DDX3X: variants seen among roughly 807,000 people sequenced by gnomAD.
The protein encoded by DDX3X is ATP-dependent RNA helicase DDX3X.
A neutral mutation model predicts 52.7 loss-of-function variants in DDX3X; 4 were observed. The observed-to-expected ratio is 0.08, with a 90% CI of 0.04 to 0.17. The LOEUF (loss-of-function observed/expected upper bound fraction) is 0.17, where lower values mean the gene tolerates loss of function less well. Ranked by LOEUF, DDX3X falls within the 10% of genes least tolerant of loss-of-function variation. The pLI is 1.00. For synonymous variants in DDX3X, 192 were observed against 178.1 expected, an observed-to-expected ratio of 1.08 and a Z score of -0.62; for missense variants, 222 against 548.6, an observed-to-expected ratio of 0.40 and a Z score of 5.95.
chrX:41,358,978 C>T (rs1340231836), intron 5 of DDX3X, among the ~76,000 whole-genome samples: 1 of 111,404 alleles, frequency 9.0e-6, no homozygotes, highest in Non-Finnish European at 1.9e-5. Context: ...AGGATGGTCT[C>T]GAACTGACCT....
chrX:41,357,864 A>G, intron 5 of DDX3X: 1 of 296,798 alleles, frequency 3.4e-6, no homozygotes, highest in East Asian at 4.8e-5. Context: ...AAGTGCCTCC[A>G]TGAAATGCCA....
intron 5 of DDX3X, among the ~76,000 whole-genome samples, chrX:41,361,550 T>A (rs2064029933): frequency 1.8e-5 from 2 of 110,818 alleles, no homozygotes; most frequent in Non-Finnish European, 3.8e-5. Flanking sequence ...TCACCTATTC[T>A]TTGTCGTTTT....
intron 3 of DDX3X, chrX:41,341,194 AG>A: frequency 4.9e-6 from 1 of 205,508 alleles, no homozygotes; most frequent in Non-Finnish European, 8.9e-6. Context: ...CATGTTGGTC[AG>A]GCTAGTCTCG....
intron 3 of DDX3X, 63 bp downstream of exon 3, chrX:41,339,146 TA>T: frequency 1.5e-6 from 1 of 656,324 alleles, no homozygotes; most frequent in Non-Finnish European, 2.2e-6. Flanking sequence ...TAGTAAAGCC[TA>T]AGGAAAACCA....
intron 4 of DDX3X, 91 bp downstream of exon 4, chrX:41,341,707 G>A (rs773311480): frequency 2.8e-5 from 25 of 880,651 alleles, no homozygotes; most frequent in Non-Finnish European, 4.0e-5. Context: ...TAAGCATTAT[G>A]TCTGTTTGGT....
chrX:41,350,813 G>A (rs1429211793), downstream of DDX3X: 2 of 111,873 alleles, frequency 1.8e-5, no homozygotes, highest in African/African-American at 6.5e-5. Flanking sequence ...TGCTGCAATA[G>A]GCTGCTACCA....
At chrX:41,339,955 G>A (rs6520740) in intron 3 of DDX3X, 1 of 94,455 alleles carries the variant, frequency 1.1e-5, no homozygotes, top group Non-Finnish European at 2.1e-5. Context: ...GCTCTGCTGC[G>A]GAGGCTGGAG....
At position 41,342,917 on chromosome X, in the gene DDX3X, T is replaced by C. The variant is rs188223123; in HGVS notation, c.543+81T>C. 136 of 810,211 alleles carry C rather than the reference T, an allele frequency of 1.7e-4. No individual in the cohort carries two copies. The African/African-American group carries it at 2.7e-3, about 16-fold the overall frequency. The allele number at this position is 810,211 out of a possible 1,213,427, so 66.8% of individuals were successfully genotyped here. A position where few individuals can be genotyped will look rare whatever the true frequency, so the allele number is the denominator to read the frequency against. On this transcript the variant is annotated intron_variant, in intron 6 of 16. Transcript: ENST00000644876. ...ACATTAGAATGTGAGATGGGCTTCATAAAGTCATGTAGACCAGAGGCTTCA... is the reference window on the plus strand; with the variant it reads ...ACATTAGAATGTGAGATGGGCTTCACAAAGTCATGTAGACCAGAGGCTTCA...
downstream of DDX3X, among the ~76,000 whole-genome samples, chrX:41,355,203 C>T (rs1390580992): frequency 9.0e-6 from 1 of 111,498 alleles, no homozygotes; most frequent in African/African-American, 3.3e-5. Flanking sequence ...GTCTTGTTTC[C>T]GGTTTGTGAC....
rs1455601939 is a variant in DDX3X at position 41,334,609 on chromosome X, T to G, written c.45+312T>G. On this transcript the variant is annotated intron_variant, in intron 1 of 16. Transcript: ENST00000644876. ...GGGACGCGCATGCGCGAATCCCGAC[T>G]GATTAGTGACCTGGGGGGGTTTGCG... 11 of 1,086,821 alleles carry G rather than the reference T, an allele frequency of 1.0e-5. No individual in the cohort carries two copies. In the East Asian group the frequency reaches 1.1e-4, roughly 11 times the overall value. The allele number at this position is 1,086,821 out of a possible 1,213,427, so 89.6% of individuals were successfully genotyped here.
intron 6 of DDX3X, 94 bp downstream of exon 6, chrX:41,342,930 A>G: frequency 1.4e-6 from 1 of 721,638 alleles, no homozygotes; most frequent in South Asian, 2.5e-5. Flanking sequence ...AGTCATGTAG[A>G]CCAGAGGCTT....
chrX:41,341,306 G>A (rs773872508), intron 3 of DDX3X, 178 bp from the exon 4 acceptor site: 39 of 392,703 alleles, frequency 9.9e-5, no homozygotes, highest in African/African-American at 9.2e-4. Context: ...TTTTCTAGTG[G>A]GGAGAATTAA....
chrX:41,334,577 T>G (rs1569230815), intron 1 of DDX3X: 2 of 1,085,356 alleles, frequency 1.8e-6, no homozygotes, highest in Non-Finnish European at 2.4e-6. Context: ...GTGCGCGCGC[T>G]CTCGCGGGGA....
chrX:41,337,710 A>T (rs1388335198), intron 2 of DDX3X: 1 of 260,060 alleles, frequency 3.8e-6, no homozygotes, highest in Non-Finnish European at 6.5e-6. Flanking sequence ...CAATGGTGTG[A>T]TCTCGGCTCA....
intron 5 of DDX3X, among the ~76,000 whole-genome samples, chrX:41,358,433 A>G: frequency 1.8e-5 from 2 of 111,562 alleles, no homozygotes; most frequent in Non-Finnish European, 3.8e-5. Flanking sequence ...AAAATGCAGT[A>G]TTCAGCTAAT....
chrX:41,352,460 A>G (rs1189995351), downstream of DDX3X, among the ~76,000 whole-genome samples: 1 of 111,194 alleles, frequency 9.0e-6, no homozygotes, highest in East Asian at 2.8e-4. Context: ...AACAGTCAAC[A>G]TTAGTGGTAT....
chrX:41,337,302 G>A (rs749969386), intron 1 of DDX3X, 106 bp from the exon 2 acceptor site: 9 of 658,920 alleles, frequency 1.4e-5, no homozygotes, highest in Admixed American at 5.1e-5. Flanking sequence ...AGGTGGACTG[G>A]GCAACTACTT....
chrX:41,352,152 C>G (rs993181819), downstream of DDX3X, among the ~76,000 whole-genome samples: 1 of 111,503 alleles, frequency 9.0e-6, no homozygotes, highest in African/African-American at 3.3e-5. Context: ...ACTATCTCCT[C>G]TAGGTGAACA....
intron 5 of DDX3X, chrX:41,358,062 ACT>A: frequency 2.6e-5 from 4 of 151,546 alleles, no homozygotes; most frequent in East Asian, 1.0e-4. Context: ...AGAGATAGAC[ACT>A]CTTTTTTTTT....
Sources: allele counts gnomAD v4.1 joint callset (sites outside exome capture counted in the v4.1 genomes callset), GRCh38; gene constraint gnomAD v4.1.1; transcripts MANE v1.5; gene names NCBI Gene and HGNC (gene_info 2026-07-23, HGNC 2026-07-21).